The following NVL variants were observed in gnomAD, a reference collection of about 807,000 sequenced individuals.
The protein encoded by NVL is nuclear valosin-containing protein-like.
NVL carries 84 observed loss-of-function variants against 110.2 expected under a neutral mutation model. The ratio of observed to expected loss-of-function variants is 0.76; its 90% CI spans 0.64 to 0.91. The LOEUF is 0.91. Among genes scored for constraint, NVL ranks in the 40% least tolerant of loss-of-function variants. NVL has a pLI of 0.00. For synonymous variants in NVL, 354 were observed against 361.1 expected (o/e 0.98, Z 0.22); for missense variants, 882 against 1,035.9 (o/e 0.85, Z 2.04).
intron 15 of NVL, among the ~76,000 whole-genome samples, chr1:224,284,750 A>G (rs1419163292): frequency 6.6e-6 from 1 of 152,180 alleles, no homozygotes; most frequent in African/African-American, 2.4e-5. Flanking sequence ...TAAATTGTCC[A>G]CTATTAAGAG....
intron 18 of NVL, among the ~76,000 whole-genome samples, chr1:224,267,081 C>T (rs762964416): frequency 2.6e-5 from 4 of 152,082 alleles, no homozygotes; most frequent in East Asian, 1.9e-4. Context: ...AATGTGGTGA[C>T]GCATAGTGGC....
chr1:224,275,890 T>C (rs2102857161), intron 16 of NVL, among the ~76,000 whole-genome samples: 1 of 152,330 alleles, frequency 6.6e-6, no homozygotes, highest in Admixed American at 6.5e-5. Flanking sequence ...TTTACACAAG[T>C]CGTCTTACTA....
chr1:224,233,050 C>T, intron 21 of NVL, 151 bp downstream of exon 21: 1 of 568,224 alleles, frequency 1.8e-6, no homozygotes, highest in South Asian at 2.8e-5. Context: ...CAGAGGTTAC[C>T]TAATATTTCA....
rs1473333807 is a variant in NVL at position 224,286,102 on chromosome 1, T to C, written c.1823A>G (p.Lys608Arg). 1.2e-6 allele frequency: 2 copies of C among 1,614,004 alleles called. No homozygotes were observed. The highest frequency in any genetic ancestry group is 1.7e-6 in the Non-Finnish European group (2 of 1,180,010). Reference protein sequence around the residue: ...LAPVRNPDQFKALGLVTPAGV... With the variant: ...LAPVRNPDQFRALGLVTPAGV... Reference sequence around the variant, plus strand: ...AGCTGGAGTCACCAATCCAAGAGCTTTGAACTGGTCTGGGTTGCGTACTGG... The same window carrying C: ...AGCTGGAGTCACCAATCCAAGAGCTCTGAACTGGTCTGGGTTGCGTACTGG... Residue 608 changes from lysine (K) to arginine (R), a missense_variant, in exon 15 of 23, where the codon AAA (lysine) becomes AGA (arginine). Physicochemically the swap from Lys to Arg is conservative, Grantham distance 26. Coordinates refer to ENST00000281701, the MANE Select transcript of NVL (RefSeq NM_002533.4).
chr1:224,311,711 T>C (rs1558347325), intron 5 of NVL, 89 bp downstream of exon 5: 3 of 966,246 alleles, frequency 3.1e-6, no homozygotes, highest in East Asian at 2.4e-5. Flanking sequence ...TGAGTCACCA[T>C]GTCCAGCTAA....
chr1:224,249,313 T>C lies in NVL; in HGVS notation c.2289+899A>G, dbSNP rs558636055. ...CTAATTTTTGTATTTTTTGTAGAGATGGGGTTTCCCCATGTTTCCCAGGCT... is the reference window on the plus strand; with the variant it reads ...CTAATTTTTGTATTTTTTGTAGAGACGGGGTTTCCCCATGTTTCCCAGGCT... On this transcript the variant is annotated intron_variant, in intron 19 of 22. Coordinates refer to ENST00000281701, the MANE Select transcript of NVL (RefSeq NM_002533.4). 1.3e-4 allele frequency among the ~76,000 whole-genome samples: 20 copies of C among 152,272 alleles called. No individual in the cohort carries two copies. In the East Asian group the frequency reaches 3.1e-3, roughly 24 times the overall value.
At chr1:224,326,218 C>T (rs1390180019) in intron 2 of NVL, among the ~76,000 whole-genome samples, 173 bp downstream of exon 2, 2 of 152,172 alleles carry the variant, frequency 1.3e-5, no homozygotes, top group East Asian at 3.8e-4. Flanking sequence ...TTTTACTGCA[C>T]ATAATAGGTA....
chr1:224,300,016 G>A (rs1373717441), intron 10 of NVL, among the ~76,000 whole-genome samples: 2 of 152,178 alleles, frequency 1.3e-5, no homozygotes, highest in African/African-American at 2.4e-5. Flanking sequence ...TAATCTTACA[G>A]CTAATATTTA....
At chr1:224,325,577 T>C (rs1417451427) in intron 2 of NVL, among the ~76,000 whole-genome samples, 1 of 151,776 alleles carries the variant, frequency 6.6e-6, no homozygotes, top group Admixed American at 6.6e-5. Context: ...CTACTAAAAA[T>C]ACAAAATTAC....
At chr1:224,241,966 A>T (rs952172146) in intron 19 of NVL, among the ~76,000 whole-genome samples, 1 of 152,030 alleles carries the variant, frequency 6.6e-6, no homozygotes, top group African/African-American at 2.4e-5. Context: ...TGGGAGGCAG[A>T]GGTTGCAGTG....
At chr1:224,247,039 T>C (rs1346862096) in intron 19 of NVL, among the ~76,000 whole-genome samples, 5 of 149,838 alleles carry the variant, frequency 3.3e-5, no homozygotes, top group African/African-American at 1.2e-4. Flanking sequence ...GGGTCTCTTT[T>C]TTTGACATAC....
At chr1:224,326,608 A>G in intron 1 of NVL, 144 bp from the exon 2 acceptor site, 1 of 571,526 alleles carries the variant, frequency 1.7e-6, no homozygotes, top group South Asian at 2.5e-5. Context: ...AATAAAAGTA[A>G]CCAAATAATT....
chr1:224,294,235 T>C, intron 12 of NVL, 32 bp downstream of exon 12: 1 of 1,611,198 alleles, frequency 6.2e-7, no homozygotes, highest in South Asian at 1.1e-5. Context: ...GATGACTTAG[T>C]GGCATACAAA....
At chr1:224,252,675 T>A (rs1459652184) in intron 18 of NVL, among the ~76,000 whole-genome samples, 2 of 152,182 alleles carry the variant, frequency 1.3e-5, no homozygotes, top group African/African-American at 4.8e-5. Flanking sequence ...TAGGATTCCA[T>A]ACTTGGAAAT....
At chr1:224,298,876 GA>G (rs1374513164) in intron 10 of NVL, among the ~76,000 whole-genome samples, 1 of 151,878 alleles carries the variant, frequency 6.6e-6, no homozygotes, top group East Asian at 1.9e-4. Context: ...AATCATCATG[GA>G]AGACATAAAA....
intron 9 of NVL, chr1:224,301,881 A>AACC (rs1668456415): frequency 6.2e-6 from 1 of 162,560 alleles, no homozygotes; most frequent in Admixed American, 6.5e-5. Context: ...TCACTTCCTC[A>AACC]ACCATACCTT....
At position 224,294,300 on chromosome 1, in the gene NVL, C is replaced by A; in HGVS notation, c.1292G>T (p.Cys431Phe). The A allele has an allele frequency of 6.2e-7, 1 of 1,614,108 alleles. No homozygotes were observed. The highest frequency in any genetic ancestry group is 8.5e-7 in the Non-Finnish European group (1 of 1,180,038). ...RRAGRFDREI[C>F]LGIPDEASRE... The stretch of plus-strand genomic sequence containing the variant: ...GGATGCTTCATCTGGGATACCTAGG[C>A]ATATTTCTCGGTCGAACCTTCCCGC... The change falls in exon 12 of 23, where the codon TGC (cysteine) becomes TTC (phenylalanine). Residue 431 changes from cysteine to phenylalanine, a missense_variant. By Grantham distance (205) the Cys-to-Phe change is radical. Coordinates refer to ENST00000281701, the MANE Select transcript of NVL (RefSeq NM_002533.4).
chr1:224,308,726 T>C (rs1402805037), intron 5 of NVL, among the ~76,000 whole-genome samples: 1 of 144,188 alleles, frequency 6.9e-6, no homozygotes, highest in Non-Finnish European at 1.5e-5. Flanking sequence ...TATATGGGTG[T>C]TCACAATAAG....
rs143457273 is a variant in NVL at position 224,300,607 on chromosome 1, G to A, written c.1017C>T (p.Ser339=). ...VAAPEIVSGV[S]GESEQKLREL... ...CTCTCAGCTTCTGCTCAGACTCTCC[G>A]GATACTCCAGACACAATCTCTGGAG... The change falls in exon 10 of 23, where the codon TCC becomes TCT. Residue 339 remains serine (S), a synonymous_variant. Transcript: ENST00000281701. 132 of 1,613,746 alleles carry A rather than the reference G, an allele frequency of 8.2e-5. 1 individual carries two copies. The Middle Eastern group carries it at 1.6e-3, about 20-fold the overall frequency.
Sources: gnomAD v4.1 joint callset for allele counts (sites outside exome capture counted in the v4.1 genomes callset) on GRCh38, gnomAD v4.1.1 for gene constraint, MANE v1.5 for transcripts, NCBI Gene and HGNC (gene_info 2026-07-23, HGNC 2026-07-21) for gene names.